CTNNAL1: variants seen among roughly 807,000 people sequenced by gnomAD.
The protein encoded by CTNNAL1 is catenin alpha like 1.
A neutral mutation model predicts 93.6 loss-of-function variants in CTNNAL1; 69 were observed. The ratio of observed to expected loss-of-function variants is 0.74; its 90% confidence interval spans 0.61 to 0.90. CTNNAL1 has a LOEUF of 0.90. CTNNAL1 is among the 40% of genes least tolerant of loss of function. The pLI is 0.00. For missense variants in CTNNAL1, 836 were observed against 862.0 expected, an observed-to-expected ratio of 0.97 and a Z score of 0.38; for synonymous variants, 286 against 305.4, an observed-to-expected ratio of 0.94 and a Z score of 0.66.
intron 14 of CTNNAL1, among the ~76,000 whole-genome samples, chr9:108,949,031 G>C (rs1587942607): frequency 6.6e-6 from 1 of 151,952 alleles, no homozygotes; most frequent in South Asian, 2.1e-4. Flanking sequence ...AAAACTATAA[G>C]GCACTAGAAA....
At chr9:108,995,609 T>C (rs904410436) in intron 2 of CTNNAL1, among the ~76,000 whole-genome samples, 1 of 152,196 alleles carries the variant, frequency 6.6e-6, no homozygotes, top group African/African-American at 2.4e-5. Flanking sequence ...TGCTGTGCCT[T>C]AATAGGAAAA....
intron 11 of CTNNAL1, among the ~76,000 whole-genome samples, chr9:108,957,271 G>A (rs1830710404): frequency 6.6e-6 from 1 of 151,770 alleles, no homozygotes; most frequent in African/African-American, 2.4e-5. Flanking sequence ...ACAGGCATGT[G>A]ACACCAGCTA....
At chr9:108,997,125 T>TC (rs1161640398) in intron 2 of CTNNAL1, among the ~76,000 whole-genome samples, 17 of 152,218 alleles carry the variant, frequency 1.1e-4, no homozygotes, top group Admixed American at 3.9e-4. Context: ...AATAAGGATA[T>TC]CCCCCCCTGC....
intron 10 of CTNNAL1, among the ~76,000 whole-genome samples, chr9:108,968,752 G>C (rs528026576): frequency 5.3e-5 from 8 of 152,258 alleles, no homozygotes; most frequent in Admixed American, 2.0e-4. Flanking sequence ...TTCTCCTAGA[G>C]GGCACACACC....
intron 1 of CTNNAL1, among the ~76,000 whole-genome samples, chr9:109,012,981 C>T (rs909955128): frequency 1.1e-4 from 17 of 152,304 alleles, no homozygotes; most frequent in Non-Finnish European, 1.8e-4. Flanking sequence ...GCGGAGGGGG[C>T]ATCGCCCGGC....
chr9:109,007,860 T>C (rs1827080579), intron 1 of CTNNAL1, among the ~76,000 whole-genome samples: 1 of 152,214 alleles, frequency 6.6e-6, no homozygotes, highest in African/African-American at 2.4e-5. Context: ...GTCCCAATTT[T>C]GTGTTCACCA....
chr9:108,952,338 C>A lies in CTNNAL1; in HGVS notation c.1706G>T (p.Gly569Val), dbSNP rs1830586094. Residue 569 changes from glycine (G) to valine (V), a missense_variant, in exon 14 of 19, where the codon GGA becomes GTA. Physicochemically the swap from Gly to Val is moderately radical, Grantham distance 109 (BLOSUM62 -3). Transcript: ENST00000325551. ...SEEQAKIAKL[G>V]LKLGLLTSDA... is the part of the protein sequence containing the mutation. ...AGAGGTGAGCAAACCCAGCTTAAGT[C>A]CAAGCTTTGCTATCTTGGCTTGCTC... 6.2e-7 allele frequency: 1 copy of A among 1,614,168 alleles called. No homozygotes were observed. Among genetic ancestry groups the A allele is most frequent in the East Asian group, 2.2e-5 (1 of 44,872 alleles).
chr9:108,955,053 C>T (rs762961880), intron 12 of CTNNAL1, among the ~76,000 whole-genome samples: 4 of 151,990 alleles, frequency 2.6e-5, no homozygotes, highest in African/African-American at 4.8e-5. Context: ...ACCTCCATCT[C>T]CCAGGCTCAA....
At chr9:108,953,139 T>C (rs553594382) in intron 12 of CTNNAL1, among the ~76,000 whole-genome samples, 233 of 152,330 alleles carry the variant, frequency 1.5e-3, no homozygotes, top group Middle Eastern at 0.01. Flanking sequence ...TTTGTTTTCA[T>C]GTAAACTATC....
intron 8 of CTNNAL1, 39 bp downstream of exon 8, chr9:108,976,923 C>A: frequency 1.2e-6 from 1 of 835,494 alleles, no homozygotes. Context: ...ATGAAAATCA[C>A]AAAGAATTAG....
At chr9:108,955,938 G>C in intron 11 of CTNNAL1, 111 bp from the exon 12 acceptor site, 1 of 642,486 alleles carries the variant, frequency 1.6e-6, no homozygotes. Flanking sequence ...TAGTACATTA[G>C]TTTTGATAAC....
At chr9:109,004,181 A>T (rs2132212469) in intron 1 of CTNNAL1, among the ~76,000 whole-genome samples, 1 of 152,298 alleles carries the variant, frequency 6.6e-6, no homozygotes, top group Non-Finnish European at 1.5e-5. Flanking sequence ...TGATGCTCAA[A>T]GGTGCTTATT....
chr9:108,957,412 GC>G (rs35785033), intron 11 of CTNNAL1, among the ~76,000 whole-genome samples: 9,089 of 152,200 alleles, frequency 0.06, 927 homozygotes, highest in African/African-American at 0.21. Flanking sequence ...GAGCCACTGT[GC>G]CTAGCCTAGG....
chr9:108,999,392 A>G, intron 1 of CTNNAL1, 136 bp from the exon 2 acceptor site: 1 of 752,070 alleles, frequency 1.3e-6, no homozygotes, highest in East Asian at 3.0e-5. Flanking sequence ...ATGCTTCAAC[A>G]GAGACAACCA....
intron 8 of CTNNAL1, among the ~76,000 whole-genome samples, chr9:108,975,109 G>C (rs62575208): frequency 6.6e-6 from 1 of 152,072 alleles, no homozygotes; most frequent in Non-Finnish European, 1.5e-5. Flanking sequence ...GTGGCAGTGA[G>C]CCAAGATCAC....
intron 3 of CTNNAL1, 26 bp downstream of exon 3, chr9:108,992,606 T>C (rs957390672): frequency 6.3e-7 from 1 of 1,575,972 alleles, no homozygotes. Context: ...AAGACAAAAA[T>C]ACAGCAACAT....
intron 11 of CTNNAL1, among the ~76,000 whole-genome samples, chr9:108,957,809 TA>T (rs1012105593): frequency 6.6e-6 from 1 of 152,086 alleles, no homozygotes; most frequent in Non-Finnish European, 1.5e-5. Flanking sequence ...TAGCATATTA[TA>T]AAGGGCACAT....
Position 108,944,426 on chromosome 9 carries a change from G to C in CTNNAL1, c.1885-408C>G, listed in dbSNP as rs12057015. ...GTTAGGACCTTCCCAATTCCATCTAGGCAAGACAAAATTTGTCACCCATAC... is the reference window on the plus strand; with the variant it reads ...GTTAGGACCTTCCCAATTCCATCTACGCAAGACAAAATTTGTCACCCATAC... On this transcript the variant is annotated intron_variant, in intron 15 of 18. Coordinates refer to ENST00000325551, the MANE Select transcript of CTNNAL1 (RefSeq NM_003798.4). Among the ~76,000 whole-genome samples the C allele has an allele frequency of 2.0e-5, 3 of 152,214 alleles. No homozygotes were observed. In the East Asian group the frequency reaches 5.8e-4, roughly 29 times the overall value.
chr9:108,987,830 G>C (rs1282086474), intron 4 of CTNNAL1, among the ~76,000 whole-genome samples: 1 of 152,122 alleles, frequency 6.6e-6, no homozygotes, highest in South Asian at 2.1e-4. Flanking sequence ...CTCTCTGTTT[G>C]TCTGTTATTG....
Sources: gnomAD v4.1 joint callset for allele counts (sites outside exome capture counted in the v4.1 genomes callset) on GRCh38, gnomAD v4.1.1 for gene constraint, MANE v1.5 for transcripts, NCBI Gene and HGNC (gene_info 2026-07-23, HGNC 2026-07-21) for gene names.